Variants in RALGAPB observed in about 807,000 individuals in gnomAD.
RALGAPB encodes Ral GTPase activating protein non-catalytic subunit beta.
A neutral mutation model predicts 161.1 loss-of-function variants in RALGAPB; 25 were observed. That is an observed-to-expected ratio of 0.16 (90% CI 0.11 to 0.22). The LOEUF (loss-of-function observed/expected upper bound fraction) is 0.22, where lower values mean the gene tolerates loss of function less well. Ranked by LOEUF, RALGAPB falls within the 10% of genes least tolerant of loss-of-function variation. The pLI, the probability that RALGAPB is intolerant of heterozygous loss-of-function variation, is 1.00. For synonymous variants in RALGAPB, 629 were observed against 626.1 expected (o/e 1.00, Z -0.07); for missense variants, 1,391 against 1,815.2 (o/e 0.77, Z 4.25).
intron 19 of RALGAPB, 52 bp downstream of exon 19, chr20:38,546,482 T>C (rs577768212): frequency 6.2e-7 from 1 of 1,600,926 alleles, no homozygotes; most frequent in Non-Finnish European, 8.6e-7. Context: ...GTGTTACCAG[T>C]ACCATGAAGC....
chr20:38,506,827 G>C (rs1041950685), intron 5 of RALGAPB, among the ~76,000 whole-genome samples: 6 of 152,176 alleles, frequency 3.9e-5, no homozygotes, highest in African/African-American at 1.4e-4. Flanking sequence ...TTATGTATCA[G>C]AAGGTAGACT....
intron 21 of RALGAPB, among the ~76,000 whole-genome samples, chr20:38,552,166 G>A (rs566368058): frequency 6.7e-6 from 1 of 148,790 alleles, no homozygotes; most frequent in African/African-American, 2.5e-5. Context: ...CTGAGATGGA[G>A]TTTCGCTCTT....
In RALGAPB at chr20:38,554,007, T is replaced by G. The variant is rs1011595127; in HGVS notation, c.3303T>G (p.Pro1101=). The G allele has an allele frequency of 6.2e-7, 1 of 1,613,950 alleles. No individual in the cohort carries two copies. The highest frequency in any genetic ancestry group is 1.7e-5 in the Admixed American group (1 of 59,994). ...DPVTDCKPPP[P]AQEFQTARLF... is the part of the protein sequence containing the mutation. ...TTACGGATTGCAAGCCCCCGCCTCC[T>G]GCCCAGGAATTCCAAACAGCCCGCC... The change falls in exon 22 of 30, where the codon CCT becomes CCG. Residue 1101 remains proline, a synonymous_variant. Coordinates refer to ENST00000262879, the MANE Select transcript of RALGAPB (RefSeq NM_020336.4).
chr20:38,536,530 T>A (rs2086812643), intron 16 of RALGAPB, among the ~76,000 whole-genome samples: 1 of 152,214 alleles, frequency 6.6e-6, no homozygotes, highest in Admixed American at 6.5e-5. Flanking sequence ...TATGTTTAAC[T>A]TTTTGAGGAA....
In RALGAPB at chr20:38,497,548, C is replaced by CT. The variant is rs770529674; in HGVS notation, c.553+33dup. ...TTATTTTTTTTTTTCTAATTTATTT[C>CT]TGAGCTCCAAATACAGTTCATCTTT... On this transcript the variant is annotated intron_variant, in intron 4 of 29. Coordinates refer to ENST00000262879, the MANE Select transcript of RALGAPB (RefSeq NM_020336.4). 64 of 1,580,142 alleles carry CT rather than the reference C, an allele frequency of 4.1e-5. No homozygotes were observed. In the East Asian group the frequency reaches 1.4e-3, roughly 35 times the overall value.
intron 9 of RALGAPB, among the ~76,000 whole-genome samples, chr20:38,518,709 T>G (rs2086204587): frequency 6.6e-6 from 1 of 152,196 alleles, no homozygotes; most frequent in Non-Finnish European, 1.5e-5. Context: ...ATAATATGTC[T>G]TAGAGAGCTG....
chr20:38,499,317 G>T (rs2122948701), intron 4 of RALGAPB, 130 bp from the exon 5 acceptor site: 1 of 868,136 alleles, frequency 1.2e-6, no homozygotes. Context: ...ACTATTAAAT[G>T]ATTATTTGAA....
Position 38,516,468 on chromosome 20 carries a change from A to G in RALGAPB, c.1051+98A>G, listed in dbSNP as rs1600916502. 7.7e-6 allele frequency: 9 copies of G among 1,170,138 alleles called. 1 individual carries two copies. The South Asian group carries it at 1.3e-4, about 16-fold the overall frequency. The allele number at this position is 1,170,138 out of a possible 1,614,324, so 72.5% of individuals were successfully genotyped here. A position where few individuals can be genotyped will look rare whatever the true frequency, so the allele number is the denominator to read the frequency against. Reference sequence around the variant, plus strand: ...TATTAGAAAACATCCGAAGGAAAAGATGAACAGATTTGATGACAAATAACA... The same window carrying G: ...TATTAGAAAACATCCGAAGGAAAAGGTGAACAGATTTGATGACAAATAACA... On this transcript the variant is annotated intron_variant, in intron 7 of 29. Transcript: ENST00000262879.
At chr20:38,508,642 G>A (rs911217266) in intron 5 of RALGAPB, among the ~76,000 whole-genome samples, 33 of 152,088 alleles carry the variant, frequency 2.2e-4, no homozygotes, top group African/African-American at 7.5e-4. Flanking sequence ...AAAAACTCAT[G>A]TATCTTGTAA....
intron 24 of RALGAPB, among the ~76,000 whole-genome samples, chr20:38,564,906 C>T (rs541753444): frequency 6.6e-6 from 1 of 151,472 alleles, no homozygotes; most frequent in South Asian, 2.1e-4. Flanking sequence ...TTTCCTCCTC[C>T]TCCTCCCTTC....
intron 3 of RALGAPB, among the ~76,000 whole-genome samples, chr20:38,494,546 G>A (rs555140359): frequency 3.9e-5 from 6 of 152,154 alleles, no homozygotes; most frequent in African/African-American, 1.2e-4. Context: ...CAGGAGAATC[G>A]CTTGAATCTG....
chr20:38,522,022 G>A (rs1187943099), intron 10 of RALGAPB, among the ~76,000 whole-genome samples: 1 of 152,216 alleles, frequency 6.6e-6, no homozygotes, highest in Non-Finnish European at 1.5e-5. Context: ...TAAGTCAGCT[G>A]TAAATCCTGC....
intron 25 of RALGAPB, 111 bp downstream of exon 25, chr20:38,565,589 T>G: frequency 7.7e-7 from 1 of 1,293,928 alleles, no homozygotes; most frequent in Non-Finnish European, 1.0e-6. Flanking sequence ...ATTCTTTAGC[T>G]TCTAAGGCAT....
intron 16 of RALGAPB, among the ~76,000 whole-genome samples, chr20:38,539,016 A>G (rs1277074543): frequency 6.6e-6 from 1 of 152,264 alleles, no homozygotes; most frequent in Non-Finnish European, 1.5e-5. Flanking sequence ...AACTAGATAA[A>G]TTGTGGTATA....
intron 2 of RALGAPB, among the ~76,000 whole-genome samples, chr20:38,490,339 G>A (rs1403003915): frequency 6.6e-6 from 1 of 152,080 alleles, no homozygotes; most frequent in Non-Finnish European, 1.5e-5. Context: ...CTCTCGAGTA[G>A]CTGGGACTAC....
At chr20:38,500,194 T>C (rs1275165348) in intron 5 of RALGAPB, among the ~76,000 whole-genome samples, 1 of 152,120 alleles carries the variant, frequency 6.6e-6, no homozygotes, top group Non-Finnish European at 1.5e-5. Context: ...TATGCAAGCA[T>C]ACCTTGTTTT....
rs2084694370 is a variant in RALGAPB, at chr20:38,473,013, G to A, written c.-87G>A. The A allele has an allele frequency of 1.5e-5, 6 of 394,970 alleles. No homozygotes were observed. The highest frequency in any genetic ancestry group is 1.3e-4 in the South Asian group (1 of 7,828). 24.5% of individuals were successfully genotyped at this position (394,970 alleles called of 1,614,324 possible). ...CGCGGGTCGCGTGAGGCGGAAGGCCGAGGACGGCCGGCGGCGGCGCCCGCC... is the reference window on the plus strand; with the variant it reads ...CGCGGGTCGCGTGAGGCGGAAGGCCAAGGACGGCCGGCGGCGGCGCCCGCC... On this transcript the variant is annotated 5_prime_UTR_variant, in exon 1 of 30. Coordinates refer to ENST00000262879, the MANE Select transcript of RALGAPB (RefSeq NM_020336.4).
Position 38,565,300 on chromosome 20 carries a change from T to C in RALGAPB, c.3698-59T>C, listed in dbSNP as rs938097049. On this transcript the variant is annotated intron_variant, in intron 24 of 29. Coordinates refer to ENST00000262879, the MANE Select transcript of RALGAPB (RefSeq NM_020336.4). ...CCAGTTAACATTTCATGTAGCAAGA[T>C]GATACTGGTTTTTTCCTACTTTTTG... 36 of 1,580,828 alleles carry C rather than the reference T, an allele frequency of 2.3e-5. 2 individuals carry two copies. The South Asian group carries it at 4.1e-4, about 18-fold the overall frequency.
intron 1 of RALGAPB, among the ~76,000 whole-genome samples, chr20:38,479,956 A>G (rs1019520458): frequency 6.6e-6 from 1 of 151,610 alleles, no homozygotes; most frequent in Admixed American, 6.6e-5. Flanking sequence ...CCGATGTGTC[A>G]TGCCTGTGGT....
Sources: allele counts gnomAD v4.1 joint callset (sites outside exome capture counted in the v4.1 genomes callset), GRCh38; gene constraint gnomAD v4.1.1; transcripts MANE v1.5; gene names NCBI Gene and HGNC (gene_info 2026-07-23, HGNC 2026-07-21).